CCDC88C: variants seen among roughly 807,000 people sequenced by gnomAD.
CCDC88C encodes the protein protein Daple.
Under a neutral mutation model 198.8 loss-of-function variants are expected in CCDC88C, and 131 were observed. The observed-to-expected ratio is 0.66, with a 90% confidence interval of 0.57 to 0.76. The LOEUF (loss-of-function observed/expected upper bound fraction) is 0.76. CCDC88C is among the 30% of genes least tolerant of loss of function. The probability of loss-of-function intolerance (pLI) is 0.00; values close to 1 mark genes in which losing one functional copy is unlikely to be tolerated. For missense variants in CCDC88C, 2,553 were observed against 2,631.6 expected, an observed-to-expected ratio of 0.97 and a Z score of 0.65; for synonymous variants, 1,166 against 1,114.7, an observed-to-expected ratio of 1.05 and a Z score of -0.92.
In CCDC88C at chr14:91,272,703, G is replaced by A. The variant is rs765719483; in HGVS notation, c.6009C>T (p.Ser2003=). ...GGGAGGCCGGACTGCTCTTTGAGACGCTCCCTCGACTGCAGTCCTCCAGGG... is the reference window on the plus strand; with the variant it reads ...GGGAGGCCGGACTGCTCTTTGAGACACTCCCTCGACTGCAGTCCTCCAGGG... ...GRALEDCSRG[S]VSKSSPASPE... is the part of the protein sequence containing the mutation. The change falls in exon 30 of 30, where the codon AGC becomes AGT. Residue 2003 remains serine (S), a synonymous_variant. Transcript: ENST00000389857. 13 of 1,611,230 alleles carry A rather than the reference G, an allele frequency of 8.1e-6. No homozygotes were observed. The highest frequency in any genetic ancestry group is 2.2e-5 in the East Asian group (1 of 44,864).
At chr14:91,402,620 G>C (rs1385227263) in intron 3 of CCDC88C, among the ~76,000 whole-genome samples, 1 of 152,106 alleles carries the variant, frequency 6.6e-6, no homozygotes, top group Non-Finnish European at 1.5e-5. Context: ...TTAATGAGAG[G>C]TGTTAACCCC....
chr14:91,396,790 T>C (rs1448135851), intron 3 of CCDC88C, among the ~76,000 whole-genome samples: 2 of 151,886 alleles, frequency 1.3e-5, no homozygotes, highest in African/African-American at 4.8e-5. Flanking sequence ...ACTTCAGGAG[T>C]TCGAGACCAG....
At chr14:91,293,445 TGC>T (rs1890807824) in intron 23 of CCDC88C, among the ~76,000 whole-genome samples, 1 of 802 alleles carries the variant, frequency 1.2e-3, no homozygotes. Flanking sequence ...CGTCCTCACC[TGC>T]CACGGTCCAC....
intron 10 of CCDC88C, among the ~76,000 whole-genome samples, chr14:91,327,898 C>T (rs1323275901): frequency 6.6e-6 from 1 of 152,218 alleles, no homozygotes; most frequent in Non-Finnish European, 1.5e-5. Context: ...CAAGACCCAG[C>T]TGGAGTTGTC....
intron 13 of CCDC88C, among the ~76,000 whole-genome samples, chr14:91,319,313 A>G (rs11626672): frequency 0.077 from 11,696 of 152,312 alleles, 576 homozygotes; most frequent in African/African-American, 0.13. Context: ...ACTGTAGAAC[A>G]AGACTGGCTT....
chr14:91,377,372 C>T (rs978641740), intron 3 of CCDC88C, among the ~76,000 whole-genome samples: 3 of 152,304 alleles, frequency 2.0e-5, no homozygotes, highest in Middle Eastern at 3.4e-3. Flanking sequence ...GAACTGCTGA[C>T]GATCTATGCC....
At chr14:91,282,816 C>T (rs1890250320) in intron 26 of CCDC88C, among the ~76,000 whole-genome samples, 1 of 152,130 alleles carries the variant, frequency 6.6e-6, no homozygotes, top group African/African-American at 2.4e-5. Flanking sequence ...AATTCCAGCA[C>T]TTTAGGGGGC....
intron 3 of CCDC88C, among the ~76,000 whole-genome samples, chr14:91,364,995 G>A (rs182059183): frequency 2.6e-4 from 40 of 152,304 alleles, no homozygotes; most frequent in East Asian, 1.2e-3. Context: ...ACATCAGATC[G>A]TAGCGGCGCC....
intron 29 of CCDC88C, among the ~76,000 whole-genome samples, chr14:91,275,300 G>A (rs1025955275): frequency 6.6e-6 from 1 of 152,144 alleles, no homozygotes; most frequent in African/African-American, 2.4e-5. Flanking sequence ...GTGAAGACCA[G>A]TCTGAGCTGA....
At chr14:91,334,784 G>T (rs1287805345) in intron 10 of CCDC88C, among the ~76,000 whole-genome samples, 1 of 152,166 alleles carries the variant, frequency 6.6e-6, no homozygotes, top group Non-Finnish European at 1.5e-5. Flanking sequence ...TGGAGGGAGT[G>T]ACTGGCCCAG....
chr14:91,406,562 C>T (rs187703691), intron 3 of CCDC88C, among the ~76,000 whole-genome samples: 33 of 152,370 alleles, frequency 2.2e-4, no homozygotes, highest in Middle Eastern at 3.4e-3. Flanking sequence ...CCCAACTGCC[C>T]GCACGCAGGC....
At chr14:91,315,254 G>A (rs1567071119) in intron 14 of CCDC88C, among the ~76,000 whole-genome samples, 1 of 152,134 alleles carries the variant, frequency 6.6e-6, no homozygotes, top group Non-Finnish European at 1.5e-5. Flanking sequence ...CCCGCCGTGT[G>A]AGGCAAATAA....
chr14:91,328,762 G>A lies in CCDC88C; in HGVS notation c.1051-2706C>T, dbSNP rs747199740. On this transcript the variant is annotated intron_variant, in intron 10 of 29. Transcript: ENST00000389857. ...ATGATGCGTGTGAAATACTCCATGCGCAGCGCCTGAGACCTACAAACTCGC... is the reference window on the plus strand; with the variant it reads ...ATGATGCGTGTGAAATACTCCATGCACAGCGCCTGAGACCTACAAACTCGC... 5.9e-5 allele frequency among the ~76,000 whole-genome samples: 9 copies of A among 152,266 alleles called. No individual in the cohort carries two copies. The East Asian group carries it at 1.2e-3, about 20-fold the overall frequency.
intron 13 of CCDC88C, among the ~76,000 whole-genome samples, chr14:91,320,700 TG>T (rs1436248976): frequency 6.6e-6 from 1 of 152,152 alleles, no homozygotes; most frequent in Non-Finnish European, 1.5e-5. Context: ...ACCCAGCTGG[TG>T]TCCCCCAAGA....
chr14:91,360,505 A>G (rs1286234570), intron 3 of CCDC88C, among the ~76,000 whole-genome samples: 2 of 152,210 alleles, frequency 1.3e-5, no homozygotes, highest in East Asian at 3.8e-4. Context: ...GAGCCTTTCT[A>G]ATCTGATGGT....
chr14:91,275,589 T>C lies in CCDC88C; in HGVS notation c.5059-1936A>G, dbSNP rs570405836. ...GCCTCTCGGGTTCAAGAGATTCTCC[T>C]GCCTCAACCTCCCGAGTAGCTGGGA... On this transcript the variant is annotated intron_variant, in intron 29 of 29. Coordinates refer to ENST00000389857, the MANE Select transcript of CCDC88C (RefSeq NM_001080414.4). Among the ~76,000 whole-genome samples, 3 of 151,984 alleles carry C rather than the reference T, an allele frequency of 2.0e-5. No homozygotes were observed. The South Asian group carries it at 6.3e-4, about 32-fold the overall frequency.
At chr14:91,306,588 C>CT (rs1478898613) in intron 18 of CCDC88C, among the ~76,000 whole-genome samples, 1 of 152,200 alleles carries the variant, frequency 6.6e-6, no homozygotes, top group Admixed American at 6.5e-5. Context: ...CATTAGCAGA[C>CT]TTTTTCTAGA....
rs369010662 is a variant in CCDC88C at position 91,313,207 on chromosome 14, C to T, written c.2609G>A (p.Arg870His). 4.0e-5 allele frequency: 64 copies of T among 1,613,750 alleles called. No individual in the cohort carries two copies. The highest frequency in any genetic ancestry group is 2.7e-4 in the East Asian group (12 of 44,894). ...GCGGGCCAGCTCCTTGTCCAGCGCG[C>T]GGCTCTCCTTCTCAACGGCGGACAG... ...AKLSAVEKES[R>H]ALDKELARCR... The change falls in exon 15 of 30, where the codon CGC becomes CAC. Residue 870 changes from arginine to histidine, a missense_variant. Around this residue, in one of 2 missense-constraint regions of CCDC88C, gnomAD observed 1,260 missense variants for 1,412.0 expected, o/e 0.89. Transcript: ENST00000389857. The surrounding 1 kb of genome is among the most constrained non-coding windows in gnomAD (Gnocchi z 5.2).
intron 10 of CCDC88C, among the ~76,000 whole-genome samples, chr14:91,331,212 G>A (rs1049041132): frequency 6.6e-6 from 1 of 152,184 alleles, no homozygotes; most frequent in African/African-American, 2.4e-5. Context: ...TGAGCCCAGG[G>A]AGAGGCAGCT....
Sources: gnomAD v4.1 joint callset for allele counts (sites outside exome capture counted in the v4.1 genomes callset) on GRCh38, gnomAD v4.1.1 for gene constraint, gnomAD v4.1.1 regional missense constraint, Gnocchi (gnomAD v3.1) non-coding constraint, MANE v1.5 for transcripts, NCBI Gene and HGNC (gene_info 2026-07-23, HGNC 2026-07-21) for gene names.